Variants in MDGA2 observed in about 807,000 individuals in gnomAD.
MDGA2 encodes MAM domain containing glycosylphosphatidylinositol anchor 2, also known as MAM domain-containing glycosylphosphatidylinositol anchor protein 2.
A neutral mutation model predicts 117.8 loss-of-function variants in MDGA2; 40 were observed. The ratio of observed to expected loss-of-function variants is 0.34; its 90% CI spans 0.26 to 0.44. The LOEUF (loss-of-function observed/expected upper bound fraction) is 0.44. Ranked by LOEUF, MDGA2 falls within the 20% of genes least tolerant of loss-of-function variation. The pLI is 1.00. For missense variants in MDGA2, 1,123 were observed against 1,250.6 expected, an observed-to-expected ratio of 0.90 and a Z score of 1.54; for synonymous variants, 452 against 439.0, an observed-to-expected ratio of 1.03 and a Z score of -0.37.
intron 3 of MDGA2, among the ~76,000 whole-genome samples, chr14:47,165,970 A>G (rs1282148662): frequency 1.3e-5 from 2 of 151,856 alleles, no homozygotes; most frequent in African/African-American, 4.8e-5. Context: ...TTGAAGGCTC[A>G]TATACACCTA....
chr14:47,169,163 C>T (rs1884016680), intron 3 of MDGA2, among the ~76,000 whole-genome samples: 2 of 151,992 alleles, frequency 1.3e-5, no homozygotes, highest in South Asian at 4.2e-4. Context: ...GCTTTATTTA[C>T]ATACACCCTT....
chr14:47,348,412 A>T (rs1017844450), intron 1 of MDGA2, among the ~76,000 whole-genome samples: 4 of 151,918 alleles, frequency 2.6e-5, no homozygotes, highest in Non-Finnish European at 5.9e-5. Flanking sequence ...GGATTTCACC[A>T]TGTTGGCCAG....
chr14:47,404,191 T>C (rs1479070557), intron 1 of MDGA2, among the ~76,000 whole-genome samples: 1 of 34,654 alleles, frequency 2.9e-5, no homozygotes. Context: ...AATACCAACC[T>C]TTTTTTTTTT....
At chr14:47,107,730 G>A (rs1315987870) in intron 5 of MDGA2, among the ~76,000 whole-genome samples, 11 of 151,232 alleles carry the variant, frequency 7.3e-5, no homozygotes, top group East Asian at 3.9e-4. Flanking sequence ...CATGGTTAGC[G>A]CGGTCAGAAT....
intron 8 of MDGA2, among the ~76,000 whole-genome samples, chr14:47,024,224 T>G (rs1594538488): frequency 6.6e-6 from 1 of 152,184 alleles, no homozygotes; most frequent in East Asian, 1.9e-4. Context: ...AACTTAGAGC[T>G]TCAAGTGAGC....
intron 1 of MDGA2, 52 bp downstream of exon 1, chr14:47,674,465 C>G (rs1898137359): frequency 6.8e-7 from 1 of 1,477,878 alleles, no homozygotes. Context: ...CGCTCACCAG[C>G]CTATCTTGCC....
chr14:47,155,885 CTTCTTTTTTTTTTTTTTTT>C (rs535965927), intron 3 of MDGA2, among the ~76,000 whole-genome samples: 8,185 of 79,734 alleles, frequency 0.1, 995 homozygotes, highest in East Asian at 0.25. Flanking sequence ...TCTTCTTCTT[CTTCTTTTTTTTTTTTTTTT>C]TTTTTTTTTT....
intron 1 of MDGA2, among the ~76,000 whole-genome samples, chr14:47,640,170 C>G (rs942139330): frequency 3.9e-5 from 6 of 152,166 alleles, no homozygotes; most frequent in African/African-American, 1.4e-4. Context: ...CCTCTTTCCT[C>G]ACCCTCAAGT....
chr14:47,587,240 C>G (rs1896342047), intron 1 of MDGA2, among the ~76,000 whole-genome samples: 2 of 151,710 alleles, frequency 1.3e-5, no homozygotes, highest in Non-Finnish European at 2.9e-5. Flanking sequence ...ACAAAAACGA[C>G]CCATTTCACA....
At chr14:47,540,988 C>T (rs1388734699) in intron 1 of MDGA2, among the ~76,000 whole-genome samples, 1 of 152,094 alleles carries the variant, frequency 6.6e-6, no homozygotes, top group Non-Finnish European at 1.5e-5. Context: ...ACTGCCTGAT[C>T]AGTAAATACA....
intron 1 of MDGA2, among the ~76,000 whole-genome samples, chr14:47,470,272 C>A (rs1425798609): frequency 2.2e-5 from 2 of 89,592 alleles, no homozygotes; most frequent in African/African-American, 8.0e-5. Context: ...CCAGCCCCCC[C>A]ACCCCATGAG....
At chr14:47,422,832 T>C (rs139294858) in intron 1 of MDGA2, among the ~76,000 whole-genome samples, 6 of 152,280 alleles carry the variant, frequency 3.9e-5, no homozygotes, top group African/African-American at 1.2e-4. Context: ...AAGGACTAAG[T>C]ATAGAGTTAA....
intron 1 of MDGA2, among the ~76,000 whole-genome samples, chr14:47,392,727 C>T (rs960971072): frequency 1.3e-5 from 2 of 151,964 alleles, no homozygotes; most frequent in Admixed American, 1.3e-4. Flanking sequence ...CTTACACTTG[C>T]TGTCCAGAGG....
At chr14:47,107,072 A>G (rs2139034984) in intron 5 of MDGA2, among the ~76,000 whole-genome samples, 1 of 130,780 alleles carries the variant, frequency 7.6e-6, no homozygotes, top group Admixed American at 7.7e-5. Context: ...CCCCACCTTA[A>G]CCCACAAGTA....
intron 15 of MDGA2, among the ~76,000 whole-genome samples, chr14:46,852,650 G>A (rs1007535386): frequency 6.6e-6 from 1 of 151,872 alleles, no homozygotes; most frequent in Non-Finnish European, 1.5e-5. Context: ...AGCATTCACA[G>A]GACTGGGAAT....
chr14:47,451,758 CCT>C (rs1157895813), intron 1 of MDGA2, among the ~76,000 whole-genome samples: 1 of 151,956 alleles, frequency 6.6e-6, no homozygotes, highest in Non-Finnish European at 1.5e-5. Context: ...TTTTTATCCT[CCT>C]CTATGTAAAT....
chr14:47,164,376 A>G (rs913370041), intron 3 of MDGA2, among the ~76,000 whole-genome samples: 3 of 152,200 alleles, frequency 2.0e-5, no homozygotes, highest in African/African-American at 7.2e-5. Context: ...AATATCCAGA[A>G]TCTACAAAGA....
intron 9 of MDGA2, among the ~76,000 whole-genome samples, chr14:46,925,200 G>T (rs113914975): frequency 1.1e-3 from 170 of 152,238 alleles, no homozygotes; most frequent in African/African-American, 3.9e-3. Flanking sequence ...AACTTAAAGC[G>T]CAGAGAATTC....
chr14:47,313,221 A>C (rs1889699602), intron 1 of MDGA2, among the ~76,000 whole-genome samples: 1 of 152,060 alleles, frequency 6.6e-6, no homozygotes, highest in African/African-American at 2.4e-5. Context: ...ACTTTAACTA[A>C]TCTAAGCTGT....
Sources: allele counts gnomAD v4.1 joint callset (sites outside exome capture counted in the v4.1 genomes callset), GRCh38; gene constraint gnomAD v4.1.1; transcripts MANE v1.5; gene names NCBI Gene and HGNC (gene_info 2026-07-23, HGNC 2026-07-21).